CDH13: variants seen among roughly 807,000 people sequenced by gnomAD.
CDH13 encodes cadherin 13.
CDH13 carries 24 observed loss-of-function variants against 63.8 expected under a neutral mutation model. The ratio of observed to expected loss-of-function variants is 0.38; its 90% confidence interval spans 0.27 to 0.53. The LOEUF (loss-of-function observed/expected upper bound fraction) is 0.53, where lower values mean the gene tolerates loss of function less well. CDH13 is among the 20% of genes least tolerant of loss of function. CDH13 has a pLI of 0.85. For synonymous variants in CDH13, 503 were observed against 355.3 expected (o/e 1.42, Z -4.67); for missense variants, 1,049 against 903.1 (o/e 1.16, Z -2.07).
At chr16:83,652,214 T>G (rs1912449464) in intron 8 of CDH13, among the ~76,000 whole-genome samples, 3 of 152,370 alleles carry the variant, frequency 2.0e-5, no homozygotes, top group East Asian at 1.9e-4. Context: ...CAGTTTCTTC[T>G]GACTAAGACA....
At chr16:83,721,623 C>G (rs1203994595) in intron 10 of CDH13, 1 of 152,210 alleles carries the variant, frequency 6.6e-6, no homozygotes, top group East Asian at 1.9e-4. Flanking sequence ...TTGGTCCTAC[C>G]TCCAAGTAGC....
At chr16:82,998,389 C>T (rs536992377) in intron 2 of CDH13, among the ~76,000 whole-genome samples, 44 of 152,270 alleles carry the variant, frequency 2.9e-4, no homozygotes, top group African/African-American at 9.4e-4. Context: ...GTATCACTTT[C>T]GTGAAGTTCT....
At chr16:83,762,316 A>C (rs1914038396) in intron 11 of CDH13, among the ~76,000 whole-genome samples, 2 of 152,186 alleles carry the variant, frequency 1.3e-5, no homozygotes, top group African/African-American at 4.8e-5. Flanking sequence ...TAGTGCCTTC[A>C]GAGTACAGGC....
chr16:82,854,359 C>G (rs2039606138), intron 1 of CDH13, among the ~76,000 whole-genome samples: 1 of 143,638 alleles, frequency 7.0e-6, no homozygotes, highest in Non-Finnish European at 1.5e-5. Flanking sequence ...CAAGATCGTG[C>G]CACTGCACTC....
chr16:83,738,684 G>C (rs374004432), intron 10 of CDH13, among the ~76,000 whole-genome samples: 1 of 152,160 alleles, frequency 6.6e-6, no homozygotes, highest in African/African-American at 2.4e-5. Flanking sequence ...AAGGCAGGTG[G>C]ATCACAAGGT....
At chr16:82,949,381 A>G (rs987257184) in intron 2 of CDH13, among the ~76,000 whole-genome samples, 26 of 152,248 alleles carry the variant, frequency 1.7e-4, no homozygotes, top group African/African-American at 5.8e-4. Flanking sequence ...GCATACTGGA[A>G]TAGGTCCACT....
At chr16:83,649,273 A>C (rs998434234) in intron 8 of CDH13, among the ~76,000 whole-genome samples, 2 of 152,254 alleles carry the variant, frequency 1.3e-5, no homozygotes, top group Non-Finnish European at 2.9e-5. Context: ...TTTCTACTGT[A>C]ATTACATCTC....
intron 4 of CDH13, among the ~76,000 whole-genome samples, chr16:83,144,706 C>T (rs576313851): frequency 8.5e-5 from 13 of 152,290 alleles, no homozygotes; most frequent in African/African-American, 2.4e-4. Flanking sequence ...TAAATTTTTC[C>T]GAAAAAATCA....
chr16:82,864,265 T>C (rs1027800640), intron 2 of CDH13, among the ~76,000 whole-genome samples: 1 of 152,200 alleles, frequency 6.6e-6, no homozygotes, highest in Non-Finnish European at 1.5e-5. Context: ...CTCCTGTCCA[T>C]GTTGACAAAA....
intron 4 of CDH13, among the ~76,000 whole-genome samples, chr16:83,127,120 C>T (rs754621171): frequency 6.6e-6 from 1 of 152,026 alleles, no homozygotes; most frequent in Non-Finnish European, 1.5e-5. Flanking sequence ...ATTGCAAAGG[C>T]CTGAAGATGG....
intron 2 of CDH13, among the ~76,000 whole-genome samples, chr16:83,005,435 G>A (rs568413007): frequency 1.4e-4 from 21 of 152,110 alleles, no homozygotes; most frequent in African/African-American, 4.3e-4. Flanking sequence ...CTGCAGGCAC[G>A]GTACTTCCAT....
At chr16:83,192,385 C>T (rs979073275) in intron 4 of CDH13, among the ~76,000 whole-genome samples, 2 of 152,156 alleles carry the variant, frequency 1.3e-5, no homozygotes, top group Admixed American at 6.5e-5. Flanking sequence ...TGCCTTGAGC[C>T]GTTCAGAGTT....
At chr16:82,648,783 A>T (rs1910395217) in intron 1 of CDH13, among the ~76,000 whole-genome samples, 1 of 152,250 alleles carries the variant, frequency 6.6e-6, no homozygotes, top group African/African-American at 2.4e-5. Context: ...ACCTTCTAAA[A>T]AATAGGTGGT....
In CDH13 at chr16:83,548,263, C is replaced by G. The variant is rs191391541; in HGVS notation, c.961-54191C>G. Among the ~76,000 whole-genome samples, 228 of 152,244 alleles carry G rather than the reference C, an allele frequency of 1.5e-3. 2 individuals carry two copies. The highest frequency in any genetic ancestry group is 5.2e-3 in the African/African-American group (217 of 41,542). ...GCTTATTTAGCTCAGTGGTCCTAAA[C>G]CAGGGACAGTTGTGTCTTCCAAGGA... On this transcript the variant is annotated intron_variant, in intron 7 of 13. Coordinates refer to ENST00000567109, the MANE Select transcript of CDH13 (RefSeq NM_001257.5).
At chr16:83,454,393 A>G (rs980147916) in intron 6 of CDH13, among the ~76,000 whole-genome samples, 1 of 152,228 alleles carries the variant, frequency 6.6e-6, no homozygotes, top group Non-Finnish European at 1.5e-5. Context: ...TACCTTTTCA[A>G]TATTGACACT....
At chr16:82,989,142 G>T (rs1402358906) in intron 2 of CDH13, among the ~76,000 whole-genome samples, 1 of 152,198 alleles carries the variant, frequency 6.6e-6, no homozygotes, top group African/African-American at 2.4e-5. Flanking sequence ...GACGGAGAGA[G>T]AGAATGAAGA....
chr16:82,851,503 A>G (rs2039485116), intron 1 of CDH13, among the ~76,000 whole-genome samples: 1 of 152,030 alleles, frequency 6.6e-6, no homozygotes, highest in African/African-American at 2.4e-5. Context: ...AACTAAAAGC[A>G]GTCTCCCCTT....
intron 1 of CDH13, among the ~76,000 whole-genome samples, chr16:82,776,425 A>G (rs1218431381): frequency 1.3e-5 from 2 of 152,192 alleles, no homozygotes; most frequent in Non-Finnish European, 2.9e-5. Flanking sequence ...GTGCTTTATT[A>G]TTTTTAATAA....
chr16:83,584,876 C>A lies in CDH13; in HGVS notation c.961-17578C>A, dbSNP rs556193465. Among the ~76,000 whole-genome samples the A allele has an allele frequency of 8.6e-5, 13 of 151,856 alleles. No homozygotes were observed. In the South Asian group the frequency reaches 2.3e-3, roughly 27 times the overall value. ...GCAGAGGGCAAAGCGGGAGTGGGCACGTCACATGGCAAAAACAGAAGCAAG... is the reference window on the plus strand; with the variant it reads ...GCAGAGGGCAAAGCGGGAGTGGGCAAGTCACATGGCAAAAACAGAAGCAAG... On this transcript the variant is annotated intron_variant, in intron 7 of 13. Coordinates refer to ENST00000567109, the MANE Select transcript of CDH13 (RefSeq NM_001257.5).
Sources: allele counts gnomAD v4.1 joint callset (sites outside exome capture counted in the v4.1 genomes callset), GRCh38; gene constraint gnomAD v4.1.1; transcripts MANE v1.5; gene names NCBI Gene and HGNC (gene_info 2026-07-23, HGNC 2026-07-21).